The following NUSAP1 variants were observed in gnomAD, a reference collection of about 807,000 sequenced individuals.
NUSAP1 encodes the protein nucleolar and spindle-associated protein 1.
A neutral mutation model predicts 52.8 loss-of-function variants in NUSAP1; 32 were observed. That is an observed-to-expected ratio of 0.61 (90% confidence interval 0.46 to 0.81). The LOEUF (loss-of-function observed/expected upper bound fraction) is 0.81, where lower values mean the gene tolerates loss of function less well. Among genes scored for constraint, NUSAP1 ranks in the 40% least tolerant of loss-of-function variants. NUSAP1 has a pLI of 0.00. For synonymous variants in NUSAP1, 195 were observed against 183.1 expected, an observed-to-expected ratio of 1.06 and a Z score of -0.52; for missense variants, 499 against 522.3, an observed-to-expected ratio of 0.96 and a Z score of 0.43.
At chr15:41,349,504 G>C (rs2048702186) in intron 3 of NUSAP1, 1 of 328,500 alleles carries the variant, frequency 3.0e-6, no homozygotes, top group South Asian at 4.8e-5. Flanking sequence ...GTTCACTTAA[G>C]TGAGGTGTAG....
chr15:41,362,603 T>TG (rs563379607), intron 6 of NUSAP1, among the ~76,000 whole-genome samples: 2,383 of 150,748 alleles, frequency 0.016, 69 homozygotes, highest in African/African-American at 0.055. Context: ...TTTTTTTTTT[T>TG]GTATTTTTAG....
intron 2 of NUSAP1, among the ~76,000 whole-genome samples, chr15:41,348,795 T>C (rs911794111): frequency 1.3e-5 from 2 of 151,970 alleles, no homozygotes; most frequent in Non-Finnish European, 2.9e-5. Flanking sequence ...TGCACCACCA[T>C]GCCCGGGTAA....
At chr15:41,358,286 G>A in intron 6 of NUSAP1, 28 bp downstream of exon 6, 1 of 1,028,740 alleles carries the variant, frequency 9.7e-7, no homozygotes, top group Non-Finnish European at 1.5e-6. Flanking sequence ...TGTTCTTAAT[G>A]GAACTAAACT....
chr15:41,380,289 T>G lies in NUSAP1; in HGVS notation c.*103T>G, dbSNP rs965490844. 1 of 724,566 alleles carries G rather than the reference T, an allele frequency of 1.4e-6. No homozygotes were observed. Among genetic ancestry groups the G allele is most frequent in the African/African-American group, 1.8e-5 (1 of 56,152 alleles). 44.9% of individuals were successfully genotyped at this position (724,566 alleles called of 1,614,324 possible). ...CCCCACTTTAGTCACGAGATCTTTT[T>G]CTGCTAACTGTTCATAGTCTGTGTA... On this transcript the variant is annotated 3_prime_UTR_variant, in exon 11 of 11. Transcript: ENST00000559596.
chr15:41,342,595 T>C (rs1004369944), intron 2 of NUSAP1, 141 bp downstream of exon 2: 10 of 620,744 alleles, frequency 1.6e-5, no homozygotes, highest in Non-Finnish European at 2.2e-5. Context: ...CCTAGCACTT[T>C]GGTAGGCAGT....
chr15:41,337,405 T>C (rs2140509033), intron 1 of NUSAP1, among the ~76,000 whole-genome samples: 1 of 152,316 alleles, frequency 6.6e-6, no homozygotes, highest in South Asian at 2.1e-4. Context: ...CCATTTATGC[T>C]GAAGATCCTG....
intron 7 of NUSAP1, among the ~76,000 whole-genome samples, chr15:41,368,216 C>T (rs1395448701): frequency 6.6e-6 from 1 of 152,018 alleles, no homozygotes; most frequent in African/African-American, 2.4e-5. Context: ...TGAGGTCTTG[C>T]TATGTTGCCC....
intron 8 of NUSAP1, among the ~76,000 whole-genome samples, chr15:41,374,244 C>A (rs568221372): frequency 1.3e-5 from 2 of 152,114 alleles, no homozygotes; most frequent in Admixed American, 6.6e-5. Flanking sequence ...TTATAAACAG[C>A]GGTAATTTCT....
At chr15:41,350,427 G>A (rs1386575556) in intron 3 of NUSAP1, among the ~76,000 whole-genome samples, 3 of 151,260 alleles carry the variant, frequency 2.0e-5, no homozygotes, top group Non-Finnish European at 4.4e-5. Context: ...CGGGAAAAGA[G>A]TAACATTAAA....
chr15:41,371,804 T>A lies in NUSAP1; in HGVS notation c.1006+120T>A, dbSNP rs898414380. 3.4e-6 allele frequency: 4 copies of A among 1,175,462 alleles called. No homozygotes were observed. In the African/African-American group the frequency reaches 6.3e-5, roughly 19 times the overall value. 72.8% of individuals were successfully genotyped at this position (1,175,462 alleles called of 1,614,324 possible). On this transcript the variant is annotated intron_variant, in intron 8 of 10. Transcript: ENST00000559596. ...TTTTTTTCTGAGATGGAGTTTCGCT[T>A]TTGTCACCCAGGCTAGAGTGTAATG...
At chr15:41,366,435 C>G (rs1316396730) in intron 7 of NUSAP1, among the ~76,000 whole-genome samples, 1 of 152,002 alleles carries the variant, frequency 6.6e-6, no homozygotes, top group Non-Finnish European at 1.5e-5. Context: ...AGGCACGTAC[C>G]ACCACACCCG....
At chr15:41,350,127 G>A (rs944358751) in intron 3 of NUSAP1, among the ~76,000 whole-genome samples, 3 of 152,124 alleles carry the variant, frequency 2.0e-5, no homozygotes, top group African/African-American at 7.2e-5. Flanking sequence ...CTGAGGAACG[G>A]AGAGACTAAT....
intron 1 of NUSAP1, 89 bp downstream of exon 1, chr15:41,333,139 C>A: frequency 1.0e-6 from 1 of 979,538 alleles, no homozygotes; most frequent in Non-Finnish European, 1.6e-6. Context: ...GAGAGGGAAG[C>A]CCGGGACTGA....
Position 41,365,563 on chromosome 15 carries a change from T to C in NUSAP1, c.822T>C (p.Ala274=), listed in dbSNP as rs1025496660. 3 of 1,606,552 alleles carry C rather than the reference T, an allele frequency of 1.9e-6. No individual in the cohort carries two copies. The highest frequency in any genetic ancestry group is 1.7e-5 in the Admixed American group (1 of 59,300). ...LGLKGSLKRS[A]ISAAKTGVRF... Reference sequence around the variant, plus strand: ...TGAAGGGGTCACTCAAGCGCTCTGCTATCTCTGCAGCTAAAACGGGTGTCA... The same window carrying C: ...TGAAGGGGTCACTCAAGCGCTCTGCCATCTCTGCAGCTAAAACGGGTGTCA... The change falls in exon 7 of 11, where the codon GCT becomes GCC. Residue 274 remains alanine (A), a synonymous_variant. Coordinates refer to ENST00000559596, the MANE Select transcript of NUSAP1 (RefSeq NM_016359.5).
At chr15:41,376,203 C>T (rs2049926452) in intron 9 of NUSAP1, among the ~76,000 whole-genome samples, 1 of 151,036 alleles carries the variant, frequency 6.6e-6, no homozygotes, top group Non-Finnish European at 1.5e-5. Flanking sequence ...CGAGATCAGC[C>T]TGGCCAACAT....
At chr15:41,378,492 C>T (rs567052834) in intron 10 of NUSAP1, among the ~76,000 whole-genome samples, 1 of 152,128 alleles carries the variant, frequency 6.6e-6, no homozygotes, top group African/African-American at 2.4e-5. Context: ...CTTTGCTCAC[C>T]GTTATTAAGT....
chr15:41,333,511 G>GA lies in NUSAP1; in HGVS notation c.93+471dup, dbSNP rs574461975. Among the ~76,000 whole-genome samples the GA allele has an allele frequency of 7.6e-3, 1,139 of 149,814 alleles. 17 individuals carry two copies. The highest frequency in any genetic ancestry group is 0.023 in the African/African-American group (940 of 40,912). On this transcript the variant is annotated intron_variant, in intron 1 of 10. Coordinates refer to ENST00000559596, the MANE Select transcript of NUSAP1 (RefSeq NM_016359.5). ...TGATACTTTATTGATGGACCTGTCA[G>GA]AAAAAAAAAATCGACTTTTAGGGGA...
At chr15:41,336,630 T>A (rs528167119) in intron 1 of NUSAP1, among the ~76,000 whole-genome samples, 8 of 150,610 alleles carry the variant, frequency 5.3e-5, no homozygotes, top group African/African-American at 2.0e-4. Flanking sequence ...ATATGGGCAT[T>A]TGATCCTCCT....
intron 6 of NUSAP1, among the ~76,000 whole-genome samples, chr15:41,358,926 G>T (rs1429410128): frequency 6.6e-6 from 1 of 152,114 alleles, no homozygotes; most frequent in Non-Finnish European, 1.5e-5. Context: ...AAACCTGAAG[G>T]GTTCCTGTGG....
Sources: allele counts gnomAD v4.1 joint callset (sites outside exome capture counted in the v4.1 genomes callset), GRCh38; gene constraint gnomAD v4.1.1; transcripts MANE v1.5; gene names NCBI Gene and HGNC (gene_info 2026-07-23, HGNC 2026-07-21).